Variants in SLC12A7 observed in about 807,000 individuals in gnomAD.
SLC12A7 encodes solute carrier family 12 member 7.
Under a neutral mutation model 120.6 loss-of-function variants are expected in SLC12A7, and 100 were observed. The observed-to-expected ratio is 0.83, with a 90% confidence interval of 0.71 to 0.98. SLC12A7 has a LOEUF of 0.98. Among genes scored for constraint, SLC12A7 ranks in the 50% least tolerant of loss-of-function variants. The probability of loss-of-function intolerance (pLI) is 0.00; values close to 1 mark genes in which losing one functional copy is unlikely to be tolerated. For missense variants in SLC12A7, 1,373 were observed against 1,548.1 expected (o/e 0.89, Z 1.90); for synonymous variants, 760 against 678.0 (o/e 1.12, Z -1.88).
At chr5:1,121,444 C>T in the SLC12A7 span, among the ~76,000 whole-genome samples, 1 of 152,204 alleles carries the variant, frequency 6.6e-6, no homozygotes, top group South Asian at 2.1e-4. Flanking sequence ...GCAGCCGAGT[C>T]CCAAGCAGGA....
Position 1,085,459 on chromosome 5 carries a change from C to G in SLC12A7, c.690G>C (p.Pro230=). The G allele has an allele frequency of 2.5e-6, 4 of 1,606,864 alleles. No homozygotes were observed. Among genetic ancestry groups the G allele is most frequent in the Non-Finnish European group, 3.4e-6 (4 of 1,177,388 alleles). ...TIEIFLTYIS[P]GAAIFQAEAA... ...CCTCCGCCTGGAAGATGGCCGCACCCGGGGAGATGTACGTCTGTGGGAACA... is the reference window on the plus strand; with the variant it reads ...CCTCCGCCTGGAAGATGGCCGCACCGGGGGAGATGTACGTCTGTGGGAACA... The change falls in exon 7 of 24, where the codon CCG becomes CCC. Residue 230 remains proline (P), a synonymous_variant. Coordinates refer to ENST00000264930, the MANE Select transcript of SLC12A7 (RefSeq NM_006598.3).
At chr5:1,094,508 T>C (rs1434754970) in intron 1 of SLC12A7, among the ~76,000 whole-genome samples, 1 of 152,032 alleles carries the variant, frequency 6.6e-6, no homozygotes, top group Non-Finnish European at 1.5e-5. Flanking sequence ...ACACAAGCTA[T>C]CCCTAGGACA....
chr5:1,083,842 G>A lies in SLC12A7; in HGVS notation c.1032C>T (p.Asn344=), dbSNP rs552429468. The A allele has an allele frequency of 1.1e-4, 179 of 1,608,000 alleles. No homozygotes were observed. In the South Asian group the frequency reaches 1.7e-3, roughly 15 times the overall value. ...CACAGGCGGCGCTGGGCTGGGAGCC[G>A]TTGCAGAAGAGGCCCCAGAGCGCGG... ...ATSALWGLFC[N]GSQPSAACDE... is the part of the protein sequence containing the mutation. Residue 344 remains asparagine, a synonymous_variant, in exon 8 of 24, where the codon AAC becomes AAT. Transcript: ENST00000264930.
chr5:1,061,002 A>C (rs1201933614), intron 20 of SLC12A7, among the ~76,000 whole-genome samples: 2 of 132,182 alleles, frequency 1.5e-5, no homozygotes, highest in Non-Finnish European at 3.3e-5. Flanking sequence ...CCTGCCGTGC[A>C]GGATCCCTGA....
At chr5:1,067,339 C>T (rs898874338) in intron 17 of SLC12A7, among the ~76,000 whole-genome samples, 10 of 152,248 alleles carry the variant, frequency 6.6e-5, no homozygotes, top group African/African-American at 1.9e-4. Context: ...TGGACACAGC[C>T]GTCTCTGGGC....
chr5:1,120,501 G>T, the SLC12A7 span, among the ~76,000 whole-genome samples: 1 of 152,248 alleles, frequency 6.6e-6, no homozygotes, highest in Non-Finnish European at 1.5e-5. Flanking sequence ...GCTCACAGCC[G>T]CTGTACCTCC....
In SLC12A7 at chr5:1,063,964, C is replaced by G. The variant is rs1426603219; in HGVS notation, c.2619G>C (p.Lys873Asn). The G allele has an allele frequency of 1.2e-6, 2 of 1,612,542 alleles. No individual in the cohort carries two copies. Among genetic ancestry groups the G allele is most frequent in the Non-Finnish European group, 8.5e-7 (1 of 1,179,770 alleles). The part of the protein sequence containing the change: ...FLLRQHKVWR[K>N]CRMRIFTVAQ... ...CCACGGTGAAGATACGCATCCGGCA[C>G]TTCCTCCACACCTGCAGACAGGGAG... The change falls in exon 20 of 24, where the codon AAG becomes AAC. Residue 873 changes from lysine to asparagine, a missense_variant. By Grantham distance (94) the Lys-to-Asn change is moderately conservative. Coordinates refer to ENST00000264930, the MANE Select transcript of SLC12A7 (RefSeq NM_006598.3).
At chr5:1,060,558 G>T in intron 20 of SLC12A7, 107 bp from the exon 21 acceptor site, 1 of 826,084 alleles carries the variant, frequency 1.2e-6, no homozygotes, top group Non-Finnish European at 2.0e-6. Flanking sequence ...GGTGGGAAAG[G>T]CCACGCGTCC....
At chr5:1,130,623 G>GCCCACGCGTGTCCCCTCACCTCCTTA in the SLC12A7 span, among the ~76,000 whole-genome samples, 2 of 98,020 alleles carry the variant, frequency 2.0e-5, no homozygotes, top group Non-Finnish European at 2.2e-5. Context: ...GCCAGGGTGG[G>GCCCACGCGTGTCCCCTCACCTCCTTA]GGCAGCAGGG....
chr5:1,092,885 G>A (rs555828659), intron 3 of SLC12A7, among the ~76,000 whole-genome samples: 4 of 152,198 alleles, frequency 2.6e-5, no homozygotes, highest in South Asian at 2.1e-4. Flanking sequence ...GGTCTTTCTC[G>A]CCTGTGAGCG....
At chr5:1,098,318 A>ATG (rs1741565350) in intron 1 of SLC12A7, among the ~76,000 whole-genome samples, 2 of 6,442 alleles carry the variant, frequency 3.1e-4, no homozygotes, top group Non-Finnish European at 6.1e-4. Flanking sequence ...CCCTCTGCTC[A>ATG]CCCAGCCCCC....
At position 1,089,069 on chromosome 5, in the gene SLC12A7, G is replaced by A. The variant is rs374915812; in HGVS notation, c.402C>T (p.Gly134=). Residue 134 remains glycine (G), a synonymous_variant, in exon 4 of 24, where the codon GGC becomes GGT. Coordinates refer to ENST00000264930, the MANE Select transcript of SLC12A7 (RefSeq NM_006598.3). ...VYLPCLQNIL[G]VILFLRLTWI... ...ACGTCAGGCGCAGGAAGAGGATGAC[G>A]CCCAGGATGTTCTGCAGGCACGGCA... 1.2e-5 allele frequency: 19 copies of A among 1,612,916 alleles called. No homozygotes were observed. The African/African-American group carries it at 1.5e-4, about 12-fold the overall frequency.
At position 1,064,262 on chromosome 5, in the gene SLC12A7, G is replaced by A; in HGVS notation, c.2438-10C>T. On this transcript the variant is annotated splice_polypyrimidine_tract_variant and intron_variant, in intron 18 of 23. Coordinates refer to ENST00000264930, the MANE Select transcript of SLC12A7 (RefSeq NM_006598.3). Reference sequence around the variant, plus strand: ...GTGTCGCGGACGGTGTCTGCGGAGAGAGGCGGCCGTCCGCAGGTCATCTGA... The same window carrying A: ...GTGTCGCGGACGGTGTCTGCGGAGAAAGGCGGCCGTCCGCAGGTCATCTGA... 6.2e-7 allele frequency: 1 copy of A among 1,604,828 alleles called. No homozygotes were observed. The highest frequency in any genetic ancestry group is 8.5e-7 in the Non-Finnish European group (1 of 1,175,686).
the SLC12A7 span, among the ~76,000 whole-genome samples, chr5:1,154,722 G>GC: frequency 6.6e-6 from 1 of 152,330 alleles, no homozygotes; most frequent in East Asian, 1.9e-4. Flanking sequence ...GACACGCACG[G>GC]CCCCCACACA....
In SLC12A7 at chr5:1,064,122, G is replaced by C. The variant is rs199981006; in HGVS notation, c.2568C>G (p.Gly856=). The change falls in exon 19 of 24, where the codon GGC becomes GGG. Residue 856 remains glycine (G), a synonymous_variant. Transcript: ENST00000264930. ...GCAGGAAGGGCAGCAGCATGAGCAT[G>C]CCGCCGTCGTGCACGATCCACCACA... The part of the protein sequence containing the change: ...IDVWWIVHDG[G]MLMLLPFLLR... 6.2e-7 allele frequency: 1 copy of C among 1,610,420 alleles called. No homozygotes were observed. The highest frequency in any genetic ancestry group is 2.2e-5 in the East Asian group (1 of 44,754).
At chr5:1,075,309 T>C (rs1300485454) in intron 15 of SLC12A7, 62 bp downstream of exon 15, 3 of 1,570,914 alleles carry the variant, frequency 1.9e-6, no homozygotes, top group Non-Finnish European at 2.6e-6. Flanking sequence ...GCCCCAGGCA[T>C]AGCATGAGAG....
intron 9 of SLC12A7, among the ~76,000 whole-genome samples, chr5:1,081,048 G>A (rs1739022141): frequency 7.5e-6 from 1 of 133,606 alleles, no homozygotes; most frequent in Non-Finnish European, 1.6e-5. Flanking sequence ...AGGGAGGGAA[G>A]AAGAGGGAGA....
At chr5:1,136,105 A>G in the SLC12A7 span, among the ~76,000 whole-genome samples, 1 of 152,168 alleles carries the variant, frequency 6.6e-6, no homozygotes, top group Admixed American at 6.5e-5. Context: ...TTCAGAGGCC[A>G]TGGAAGAGGA....
the SLC12A7 span, among the ~76,000 whole-genome samples, chr5:1,137,954 C>T: frequency 1.3e-5 from 2 of 152,196 alleles, no homozygotes; most frequent in African/African-American, 4.8e-5. Flanking sequence ...GTCTCTCTTG[C>T]CGGGCTGGTT....
Sources: gnomAD v4.1 joint callset for allele counts (sites outside exome capture counted in the v4.1 genomes callset) on GRCh38, gnomAD v4.1.1 for gene constraint, MANE v1.5 for transcripts, NCBI Gene and HGNC (gene_info 2026-07-23, HGNC 2026-07-21) for gene names.